NUP214: variants seen among roughly 807,000 people sequenced by gnomAD.
NUP214 encodes nucleoporin 214.
NUP214 carries 79 observed loss-of-function variants against 196.2 expected under a neutral mutation model. The observed-to-expected ratio is 0.40, with a 90% CI of 0.34 to 0.49. NUP214 has a LOEUF of 0.49. Among genes scored for constraint, NUP214 ranks in the 20% least tolerant of loss-of-function variants. The pLI is 0.58. For missense variants in NUP214, 2,468 were observed against 2,539.0 expected, an observed-to-expected ratio of 0.97 and a Z score of 0.60; for synonymous variants, 1,020 against 990.5, an observed-to-expected ratio of 1.03 and a Z score of -0.56.
chr9:131,170,803 CATTATT>C (rs3057994), intron 21 of NUP214, among the ~76,000 whole-genome samples: 10 of 148,198 alleles, frequency 6.7e-5, no homozygotes, highest in South Asian at 2.1e-4. Context: ...TTATTATTAT[CATTATT>C]ATTATTATTA....
chr9:131,161,815 G>T (rs144458947), intron 18 of NUP214, among the ~76,000 whole-genome samples: 64 of 152,254 alleles, frequency 4.2e-4, no homozygotes, highest in African/African-American at 1.5e-3. Flanking sequence ...CTTACACTAT[G>T]TGTACTTATT....
intron 24 of NUP214, among the ~76,000 whole-genome samples, chr9:131,184,026 CTTTTTTTTTTTTT>C (rs776765956): frequency 1.9e-5 from 2 of 104,362 alleles, no homozygotes; most frequent in Admixed American, 2.2e-4. Flanking sequence ...TTTTCTTTTT[CTTTTTTTTTTTTT>C]TTTTTTTTTG....
intron 30 of NUP214, among the ~76,000 whole-genome samples, chr9:131,213,911 G>T (rs944693533): frequency 6.6e-6 from 1 of 152,156 alleles, no homozygotes; most frequent in Admixed American, 6.6e-5. Flanking sequence ...GAGTGAGGGG[G>T]AGGATGATAA....
intron 19 of NUP214, 112 bp downstream of exon 19, chr9:131,163,285 G>T (rs1023194832): frequency 1.6e-5 from 17 of 1,080,440 alleles, no homozygotes; most frequent in Non-Finnish European, 1.8e-5. Context: ...TCTCTCACCT[G>T]TGTAATCCTG....
chr9:131,151,722 T>C lies in NUP214; in HGVS notation c.2278-14T>C. 10 of 1,595,422 alleles carry C rather than the reference T, an allele frequency of 6.3e-6. No homozygotes were observed. Among genetic ancestry groups the C allele is most frequent in the Non-Finnish European group, 8.5e-6 (10 of 1,174,378 alleles). On this transcript the variant is annotated splice_polypyrimidine_tract_variant and intron_variant, in intron 16 of 35. Transcript: ENST00000359428. The stretch of plus-strand genomic sequence containing the variant: ...ACAACTTTTTGTACCAACACATTAT[T>C]GTACTTTTTCTAGTCGCTTCATGGA...
intron 24 of NUP214, among the ~76,000 whole-genome samples, chr9:131,184,261 C>G (rs983253202): frequency 1.3e-5 from 2 of 151,266 alleles, no homozygotes; most frequent in African/African-American, 4.9e-5. Context: ...AAATTCCTGA[C>G]CTCAGATGAT....
At chr9:131,210,830 A>C (rs1834221253) in intron 30 of NUP214, among the ~76,000 whole-genome samples, 1 of 152,238 alleles carries the variant, frequency 6.6e-6, no homozygotes, top group African/African-American at 2.4e-5. Context: ...TCTATGCAAC[A>C]ATATCAGGCA....
Position 131,201,587 on chromosome 9 carries a change from T to G in NUP214, c.5522-60T>G. ...TCAAAAAAAAAAAACAACAAAACTT[T>G]AATGTTGTAAAAGACTCATCCAATC... On this transcript the variant is annotated intron_variant, in intron 29 of 35. Transcript: ENST00000359428. 7.4e-6 allele frequency: 10 copies of G among 1,348,144 alleles called. No homozygotes were observed. The South Asian group carries it at 1.2e-4, about 17-fold the overall frequency. 83.5% of individuals were successfully genotyped at this position (1,348,144 alleles called of 1,614,324 possible).
intron 33 of NUP214, 128 bp downstream of exon 33, chr9:131,228,459 C>T: frequency 1.2e-6 from 1 of 864,682 alleles, no homozygotes; most frequent in Admixed American, 3.8e-5. Flanking sequence ...TTGTGAACAA[C>T]TCCCTCAAGG....
chr9:131,177,155 A>T (rs780649271), intron 23 of NUP214, among the ~76,000 whole-genome samples: 1 of 152,228 alleles, frequency 6.6e-6, no homozygotes, highest in Non-Finnish European at 1.5e-5. Flanking sequence ...ATTTAGGAAA[A>T]AAGAACTAAC....
intron 26 of NUP214, 39 bp from the exon 27 acceptor site, chr9:131,192,169 C>CTTTTTTTTTTTTTTTTT (rs66652901): frequency 8.9e-6 from 4 of 447,484 alleles, no homozygotes; most frequent in African/African-American, 3.8e-5. Flanking sequence ...TTGTAATATT[C>CTTTTTTTTTTTTTTTTT]TTTTTTTTTT....
At chr9:131,176,633 CT>C (rs1300439750) in intron 23 of NUP214, among the ~76,000 whole-genome samples, 1 of 151,306 alleles carries the variant, frequency 6.6e-6, no homozygotes. Flanking sequence ...CTGACCAAAG[CT>C]TTTTTTTTAA....
rs899394097 is a variant in NUP214, at chr9:131,139,511, A to G, written c.1132+104A>G. The G allele has an allele frequency of 2.2e-4, 336 of 1,503,462 alleles. 2 individuals are homozygous for G. Among genetic ancestry groups the G allele is most frequent in the Non-Finnish European group, 4.2e-5 (47 of 1,125,786 alleles). The allele number at this position is 1,503,462 out of a possible 1,614,324, so 93.1% of individuals were successfully genotyped here. On this transcript the variant is annotated intron_variant, in intron 10 of 35. Coordinates refer to ENST00000359428, the MANE Select transcript of NUP214 (RefSeq NM_005085.4). ...ACTGACAGAGTCTACTCTGCTGGGC[A>G]CTTGTAGCTTCTGGCAGCACATTTC...
At chr9:131,159,837 A>G (rs926781223) in intron 18 of NUP214, among the ~76,000 whole-genome samples, 14 of 151,980 alleles carry the variant, frequency 9.2e-5, no homozygotes, top group African/African-American at 3.1e-4. Flanking sequence ...AGCCTGGGCA[A>G]CAAGAGCGAA....
intron 24 of NUP214, among the ~76,000 whole-genome samples, chr9:131,182,871 C>A (rs1302440319): frequency 6.6e-6 from 1 of 152,030 alleles, no homozygotes; most frequent in Non-Finnish European, 1.5e-5. Flanking sequence ...TTGGCTATAA[C>A]TTGGTGTTAT....
In NUP214 at chr9:131,175,598, G is replaced by A. The variant is rs149894427; in HGVS notation, c.3296G>A (p.Arg1099Gln). 1.1e-4 allele frequency: 171 copies of A among 1,614,014 alleles called. No homozygotes were observed. The highest frequency in any genetic ancestry group is 3.3e-4 in the Middle Eastern group (2 of 6,084). ...GCAGCTGCCGCAGCAGCACTCAGGC[G>A]GCAGATGGCCAGTCAGGCACCAGGT... ...PQAAAAAALR[R>Q]QMASQAPAVN... Residue 1099 changes from arginine (R) to glutamine (Q), a missense_variant, in exon 23 of 36, where the codon CGG (arginine) becomes CAG (glutamine). Coordinates refer to ENST00000359428, the MANE Select transcript of NUP214 (RefSeq NM_005085.4).
At chr9:131,202,764 T>A (rs1361826723) in intron 30 of NUP214, among the ~76,000 whole-genome samples, 1 of 151,660 alleles carries the variant, frequency 6.6e-6, no homozygotes, top group Non-Finnish European at 1.5e-5. Context: ...TTTAAGTGGT[T>A]GTTTAAAAAG....
chr9:131,196,130 C>T, intron 28 of NUP214, among the ~76,000 whole-genome samples: 1 of 149,210 alleles, frequency 6.7e-6, no homozygotes, highest in South Asian at 2.1e-4. Context: ...AAGTGCCTTT[C>T]AGTTATCCGT....
At chr9:131,177,503 A>T (rs1188859428) in intron 23 of NUP214, among the ~76,000 whole-genome samples, 1 of 152,190 alleles carries the variant, frequency 6.6e-6, no homozygotes, top group Non-Finnish European at 1.5e-5. Context: ...GCACCTTTGA[A>T]TATGAAATAT....
Sources: gnomAD v4.1 joint callset for allele counts (sites outside exome capture counted in the v4.1 genomes callset) on GRCh38, gnomAD v4.1.1 for gene constraint, MANE v1.5 for transcripts, NCBI Gene and HGNC (gene_info 2026-07-23, HGNC 2026-07-21) for gene names.